Variants in PDGFD observed in about 807,000 individuals in gnomAD.
PDGFD encodes platelet derived growth factor D.
PDGFD carries 30 observed loss-of-function variants against 44.7 expected under a neutral mutation model. The ratio of observed to expected loss-of-function variants is 0.67; its 90% CI spans 0.50 to 0.91. PDGFD has a LOEUF of 0.91. Ranked by LOEUF, PDGFD falls within the 40% of genes least tolerant of loss-of-function variation. PDGFD has a pLI of 0.00. For missense variants in PDGFD, 445 were observed against 457.8 expected (o/e 0.97, Z 0.25); for synonymous variants, 173 against 168.4 (o/e 1.03, Z -0.21).
At chr11:103,976,904 C>A (rs1375349066) in intron 3 of PDGFD, among the ~76,000 whole-genome samples, 1 of 151,676 alleles carries the variant, frequency 6.6e-6, no homozygotes, top group Admixed American at 6.6e-5. Context: ...AAGCCAGGAG[C>A]TGTATTTTTG....
At chr11:103,964,802 T>G (rs1007562258) in intron 3 of PDGFD, among the ~76,000 whole-genome samples, 1 of 152,108 alleles carries the variant, frequency 6.6e-6, no homozygotes, top group African/African-American at 2.4e-5. Flanking sequence ...GGTACTCATT[T>G]ACTTTGAATC....
chr11:104,102,275 A>G, intron 1 of PDGFD, among the ~76,000 whole-genome samples: 1 of 152,236 alleles, frequency 6.6e-6, no homozygotes, highest in East Asian at 1.9e-4. Flanking sequence ...AAGGATATGA[A>G]CAGACACTTC....
intron 1 of PDGFD, 134 bp from the exon 2 acceptor site, chr11:104,000,389 C>A: frequency 1.3e-6 from 1 of 743,086 alleles, no homozygotes; most frequent in Non-Finnish European, 2.2e-6. Context: ...AGTCTAAATG[C>A]AAATAAACAA....
intron 1 of PDGFD, among the ~76,000 whole-genome samples, chr11:104,155,383 C>G (rs1002552339): frequency 2.0e-5 from 3 of 152,092 alleles, no homozygotes; most frequent in African/African-American, 7.2e-5. Context: ...CTATTTTCAC[C>G]TTATTTAATA....
At chr11:104,034,081 C>T (rs1860176967) in intron 1 of PDGFD, among the ~76,000 whole-genome samples, 1 of 152,214 alleles carries the variant, frequency 6.6e-6, no homozygotes, top group African/African-American at 2.4e-5. Flanking sequence ...GCATGGCTGA[C>T]TCCTTGTCAT....
At chr11:103,910,891 G>C (rs1031334081) in intron 6 of PDGFD, among the ~76,000 whole-genome samples, 18 of 152,204 alleles carry the variant, frequency 1.2e-4, no homozygotes, top group Admixed American at 3.3e-4. Context: ...AGCTTGGTGA[G>C]GGGAGGGGCG....
At chr11:104,040,846 A>C (rs1860337540) in intron 1 of PDGFD, among the ~76,000 whole-genome samples, 1 of 152,032 alleles carries the variant, frequency 6.6e-6, no homozygotes. Flanking sequence ...GGATTCTTGA[A>C]ATGAAATAAT....
At chr11:104,143,389 C>A (rs1862114898) in intron 1 of PDGFD, among the ~76,000 whole-genome samples, 1 of 152,168 alleles carries the variant, frequency 6.6e-6, no homozygotes, top group Non-Finnish European at 1.5e-5. Context: ...GGATCTTGAG[C>A]AAATGCTTGC....
In PDGFD at chr11:104,028,174, A is replaced by C. The variant is rs1288872553; in HGVS notation, c.125-27919T>G. The stretch of plus-strand genomic sequence containing the variant: ...CACTGCACTCCAGCCTGGGCAACAG[A>C]GCGAGACTCCGTCAAAGAAAAAAAA... On this transcript the variant is annotated intron_variant, in intron 1 of 6. Transcript: ENST00000393158. Among the ~76,000 whole-genome samples, 3 of 140,366 alleles carry C rather than the reference A, an allele frequency of 2.1e-5. No individual in the cohort carries two copies. The East Asian group carries it at 6.3e-4, about 29-fold the overall frequency. 92.1% of individuals were successfully genotyped at this position (140,366 alleles called of 152,430 possible).
At chr11:104,144,646 A>C (rs1240946572) in intron 1 of PDGFD, among the ~76,000 whole-genome samples, 65 of 152,168 alleles carry the variant, frequency 4.3e-4, no homozygotes, top group Admixed American at 4.2e-3. Flanking sequence ...TTAACTCTTT[A>C]TCACCAATCT....
chr11:104,123,915 C>A (rs1360748246), intron 1 of PDGFD, among the ~76,000 whole-genome samples: 2 of 151,972 alleles, frequency 1.3e-5, no homozygotes, highest in East Asian at 1.9e-4. Context: ...TATCTCAGTA[C>A]TTCTGTAGTT....
intron 6 of PDGFD, among the ~76,000 whole-genome samples, chr11:103,926,515 A>G (rs1295682959): frequency 6.6e-6 from 1 of 152,222 alleles, no homozygotes; most frequent in Non-Finnish European, 1.5e-5. Context: ...AATTTATTAA[A>G]TGATATAATT....
chr11:104,091,778 C>T (rs971006968), intron 1 of PDGFD, among the ~76,000 whole-genome samples: 1 of 152,108 alleles, frequency 6.6e-6, no homozygotes, highest in African/African-American at 2.4e-5. Flanking sequence ...TGACTTGTTC[C>T]AAAATCTACA....
intron 1 of PDGFD, among the ~76,000 whole-genome samples, chr11:104,082,002 C>A (rs1179700719): frequency 6.6e-6 from 1 of 151,674 alleles, no homozygotes; most frequent in African/African-American, 2.4e-5. Flanking sequence ...AAATAATGGA[C>A]TTGGTGTAGG....
intron 3 of PDGFD, among the ~76,000 whole-genome samples, chr11:103,963,615 A>G (rs1229819949): frequency 6.6e-6 from 1 of 152,182 alleles, no homozygotes; most frequent in African/African-American, 2.4e-5. Context: ...GAAACAAACC[A>G]AACAGCCGAT....
At chr11:104,050,435 G>A (rs1445921598) in intron 1 of PDGFD, among the ~76,000 whole-genome samples, 5 of 152,124 alleles carry the variant, frequency 3.3e-5, no homozygotes, top group Non-Finnish European at 7.4e-5. Flanking sequence ...AGTCCCGAGG[G>A]CCCGCTTGAG....
chr11:103,965,215 G>A (rs1162726690), intron 3 of PDGFD, among the ~76,000 whole-genome samples: 2 of 152,036 alleles, frequency 1.3e-5, no homozygotes, highest in Admixed American at 6.6e-5. Context: ...CAGTTAAGAC[G>A]GCTCTTCAAT....
In PDGFD at chr11:104,047,608, T is replaced by A. The variant is rs540565276; in HGVS notation, c.125-47353A>T. Among the ~76,000 whole-genome samples, 11 of 147,324 alleles carry A rather than the reference T, an allele frequency of 7.5e-5. 1 individual carries two copies. Among genetic ancestry groups the A allele is most frequent in the East Asian group, 2.0e-4 (1 of 5,106 alleles). On this transcript the variant is annotated intron_variant, in intron 1 of 6. Coordinates refer to ENST00000393158, the MANE Select transcript of PDGFD (RefSeq NM_025208.5). ...GTTGTTTGCAGGTTACATTATTTTTTAAAAAAATAAGGAAAAACTCCAAAG... is the reference window on the plus strand; with the variant it reads ...GTTGTTTGCAGGTTACATTATTTTTAAAAAAAATAAGGAAAAACTCCAAAG...
chr11:103,992,545 C>CTA (rs1859473037), intron 3 of PDGFD, among the ~76,000 whole-genome samples: 1 of 152,152 alleles, frequency 6.6e-6, no homozygotes. Flanking sequence ...TGCACCATTC[C>CTA]TAATGGGTGA....
Sources: gnomAD v4.1 joint callset for allele counts (sites outside exome capture counted in the v4.1 genomes callset) on GRCh38, gnomAD v4.1.1 for gene constraint, MANE v1.5 for transcripts, NCBI Gene and HGNC (gene_info 2026-07-23, HGNC 2026-07-21) for gene names.